The following GALNT17 variants were observed in gnomAD, a reference collection of about 807,000 sequenced individuals.
GALNT17 encodes polypeptide N-acetylgalactosaminyltransferase 17.
GALNT17 carries 29 observed loss-of-function variants against 63.7 expected under a neutral mutation model. The observed-to-expected ratio is 0.46, with a 90% CI of 0.34 to 0.62. The LOEUF (loss-of-function observed/expected upper bound fraction) is 0.62. Ranked by LOEUF, GALNT17 falls within the 20% of genes least tolerant of loss-of-function variation. The pLI is 0.01. For synonymous variants in GALNT17, 305 were observed against 318.3 expected (o/e 0.96, Z 0.45); for missense variants, 603 against 799.6 (o/e 0.75, Z 2.97).
intron 9 of GALNT17, among the ~76,000 whole-genome samples, chr7:71,699,136 C>A (rs1478375163): frequency 7.6e-6 from 1 of 132,380 alleles, no homozygotes; most frequent in Non-Finnish European, 1.5e-5. Flanking sequence ...CATGCCACTG[C>A]ACGCCAGCCT....
chr7:71,388,218 G>T lies in GALNT17; in HGVS notation c.423-17G>T, dbSNP rs762705367. ...ATCCTTCCTCTGACTCTGCATTTCCGATCTCTCCTTCCCCAGGTGTAAGGA... is the reference window on the plus strand; with the variant it reads ...ATCCTTCCTCTGACTCTGCATTTCCTATCTCTCCTTCCCCAGGTGTAAGGA... On this transcript the variant is annotated splice_polypyrimidine_tract_variant and intron_variant, in intron 2 of 10. Coordinates refer to ENST00000333538, the MANE Select transcript of GALNT17 (RefSeq NM_022479.3). The T allele has an allele frequency of 6.2e-7, 1 of 1,609,342 alleles. No homozygotes were observed. Among genetic ancestry groups the T allele is most frequent in the Non-Finnish European group, 8.5e-7 (1 of 1,176,642 alleles).
chr7:71,251,385 A>C (rs1215219201), intron 1 of GALNT17, among the ~76,000 whole-genome samples: 5 of 152,218 alleles, frequency 3.3e-5, no homozygotes, highest in Admixed American at 1.3e-4. Context: ...TGTTACTGGC[A>C]GTGGGTCTGC....
At chr7:71,387,585 C>T (rs575824092) in intron 2 of GALNT17, among the ~76,000 whole-genome samples, 1 of 152,248 alleles carries the variant, frequency 6.6e-6, no homozygotes, top group East Asian at 2.0e-4. Context: ...GTCGGCCTCC[C>T]AAATTGCTGA....
At chr7:71,348,811 A>T (rs897215495) in intron 2 of GALNT17, among the ~76,000 whole-genome samples, 2 of 152,228 alleles carry the variant, frequency 1.3e-5, no homozygotes, top group East Asian at 1.9e-4. Context: ...GTTACTGGGG[A>T]CTTGAGAGTT....
intron 9 of GALNT17, among the ~76,000 whole-genome samples, chr7:71,691,358 G>T (rs1791440637): frequency 6.6e-6 from 1 of 152,184 alleles, no homozygotes; most frequent in African/African-American, 2.4e-5. Context: ...ACACTTAATA[G>T]TCTACAGTAT....
At chr7:71,579,560 A>G (rs1270155723) in intron 6 of GALNT17, among the ~76,000 whole-genome samples, 1 of 152,248 alleles carries the variant, frequency 6.6e-6, no homozygotes, top group Non-Finnish European at 1.5e-5. Context: ...ATGCTGTTTA[A>G]GAATTCTAAA....
chr7:71,433,514 G>A (rs1786905567), intron 5 of GALNT17, among the ~76,000 whole-genome samples: 1 of 152,200 alleles, frequency 6.6e-6, no homozygotes, highest in African/African-American at 2.4e-5. Context: ...GAATTATGTG[G>A]TCCGTGAATT....
intron 5 of GALNT17, among the ~76,000 whole-genome samples, chr7:71,499,785 T>TC (rs1286497458): frequency 2.0e-5 from 3 of 152,180 alleles, no homozygotes; most frequent in African/African-American, 7.2e-5. Context: ...TTTGGCTGTG[T>TC]CCCCCCACAA....
intron 1 of GALNT17, among the ~76,000 whole-genome samples, chr7:71,144,030 G>A (rs140595182): frequency 1.3e-5 from 2 of 152,220 alleles, no homozygotes; most frequent in Non-Finnish European, 2.9e-5. Context: ...GTGACTCCAC[G>A]ATCACATCCA....
chr7:71,616,180 A>C (rs1790199179), intron 6 of GALNT17, among the ~76,000 whole-genome samples: 1 of 152,118 alleles, frequency 6.6e-6, no homozygotes, highest in Admixed American at 6.5e-5. Context: ...GCAGGTGGTC[A>C]AGACTGGGGC....
chr7:71,142,894 T>C (rs1554332555), intron 1 of GALNT17, among the ~76,000 whole-genome samples: 1 of 149,896 alleles, frequency 6.7e-6, no homozygotes, highest in Non-Finnish European at 1.5e-5. Context: ...TGGGCCGAGA[T>C]TGTGCCACTG....
At chr7:71,568,143 TG>T (rs1789380698) in intron 5 of GALNT17, among the ~76,000 whole-genome samples, 1 of 152,150 alleles carries the variant, frequency 6.6e-6, no homozygotes, top group Non-Finnish European at 1.5e-5. Flanking sequence ...CCTTTGGCAG[TG>T]GGGGCATTTG....
intron 5 of GALNT17, among the ~76,000 whole-genome samples, chr7:71,441,418 C>T (rs1208476093): frequency 6.6e-6 from 1 of 152,146 alleles, no homozygotes. Flanking sequence ...ACCCGGACAC[C>T]ATTTCCATTT....
chr7:71,160,585 A>G (rs1245466425), intron 1 of GALNT17, among the ~76,000 whole-genome samples: 1 of 152,092 alleles, frequency 6.6e-6, no homozygotes, highest in Non-Finnish European at 1.5e-5. Flanking sequence ...CAGCCTCCCA[A>G]GTAGCTGGGA....
At chr7:71,191,693 G>T (rs1788954490) in intron 1 of GALNT17, among the ~76,000 whole-genome samples, 1 of 152,118 alleles carries the variant, frequency 6.6e-6, no homozygotes, top group Admixed American at 6.5e-5. Context: ...TGGACACCCA[G>T]ACCATTTCAG....
Position 71,503,866 on chromosome 7 carries a change from C to A in GALNT17, c.963-67419C>A, listed in dbSNP as rs554754408. On this transcript the variant is annotated intron_variant, in intron 5 of 10. Transcript: ENST00000333538. ...ATCCCAGCACTTTGAGAGGCTGAGG[C>A]GGGCAGATCACGAGGTCAGGAGTTT... is the stretch of plus-strand genomic sequence containing the variant. Among the ~76,000 whole-genome samples the A allele has an allele frequency of 5.0e-4, 76 of 152,120 alleles. 2 individuals carry two copies. In the South Asian group the frequency reaches 0.016, roughly 31 times the overall value.
chr7:71,466,950 G>A (rs1048648317), intron 5 of GALNT17, among the ~76,000 whole-genome samples: 4 of 149,304 alleles, frequency 2.7e-5, no homozygotes, highest in African/African-American at 9.9e-5. Context: ...CTCCACCTTG[G>A]GCACATGTGC....
At chr7:71,389,877 A>G (rs1282639273) in intron 3 of GALNT17, among the ~76,000 whole-genome samples, 3 of 152,180 alleles carry the variant, frequency 2.0e-5, no homozygotes, top group South Asian at 2.1e-4. Flanking sequence ...TGATGGCTCA[A>G]TGAAAACTGT....
chr7:71,258,533 CA>C (rs1422323025), intron 1 of GALNT17, among the ~76,000 whole-genome samples: 16 of 152,192 alleles, frequency 1.1e-4, no homozygotes. Flanking sequence ...TGTCCATCCC[CA>C]AGAAGTTTTC....
Sources: gnomAD v4.1 joint callset for allele counts (sites outside exome capture counted in the v4.1 genomes callset) on GRCh38, gnomAD v4.1.1 for gene constraint, MANE v1.5 for transcripts, NCBI Gene and HGNC (gene_info 2026-07-23, HGNC 2026-07-21) for gene names.